Variants in SLC2A9 observed in about 807,000 individuals in gnomAD.
SLC2A9 encodes solute carrier family 2, facilitated glucose transporter member 9.
SLC2A9 carries 39 observed loss-of-function variants against 50.6 expected under a neutral mutation model. The observed-to-expected ratio is 0.77, with a 90% CI of 0.60 to 1.01. The LOEUF is 1.01. Among genes scored for constraint, SLC2A9 ranks in the 50% least tolerant of loss-of-function variants. The probability of loss-of-function intolerance (pLI) is 0.00; values close to 1 mark genes in which losing one functional copy is unlikely to be tolerated. For synonymous variants in SLC2A9, 324 were observed against 276.9 expected (o/e 1.17, Z -1.69); for missense variants, 686 against 677.6 (o/e 1.01, Z -0.14).
intron 3 of SLC2A9, among the ~76,000 whole-genome samples, chr4:9,807,441 CT>C (rs1218713032): frequency 6.6e-6 from 1 of 152,190 alleles, no homozygotes; most frequent in Non-Finnish European, 1.5e-5. Flanking sequence ...CCAGATGCCT[CT>C]TGTTTGAGCT....
chr4:9,951,707 TAGA>T (rs1750292830), intron 5 of SLC2A9, among the ~76,000 whole-genome samples: 1 of 152,240 alleles, frequency 6.6e-6, no homozygotes. Flanking sequence ...TACTTCTTTC[TAGA>T]AGAATAAGCT....
intron 2 of SLC2A9, among the ~76,000 whole-genome samples, chr4:10,012,762 T>C (rs1384479466): frequency 1.3e-5 from 2 of 152,000 alleles, no homozygotes; most frequent in Admixed American, 6.5e-5. Flanking sequence ...GCGGTGTGTT[T>C]GAGGGGCAGC....
At chr4:9,839,193 CA>C (rs1223732043) in intron 10 of SLC2A9, among the ~76,000 whole-genome samples, 2 of 152,008 alleles carry the variant, frequency 1.3e-5, no homozygotes, top group African/African-American at 4.8e-5. Flanking sequence ...GAACACTTTT[CA>C]AAAGAAGACA....
At chr4:9,961,832 C>T (rs1403767178) in intron 5 of SLC2A9, among the ~76,000 whole-genome samples, 1 of 152,128 alleles carries the variant, frequency 6.6e-6, no homozygotes, top group African/African-American at 2.4e-5. Context: ...GTCTAATATC[C>T]AGAGTCTAGA....
chr4:9,908,118 G>T (rs1741020913), intron 8 of SLC2A9, 117 bp downstream of exon 8: 4 of 783,506 alleles, frequency 5.1e-6, no homozygotes, highest in Non-Finnish European at 9.3e-6. Flanking sequence ...AAACCACATT[G>T]TCCTAATTGA....
intron 10 of SLC2A9, chr4:9,879,954 T>G (rs1032964645): frequency 1.0e-6 from 1 of 985,324 alleles, no homozygotes; most frequent in Non-Finnish European, 1.2e-6. Context: ...CCTTGTCAAG[T>G]CTTCTTACAT....
intron 8 of SLC2A9, among the ~76,000 whole-genome samples, chr4:9,902,964 T>C (rs1034455023): frequency 2.0e-5 from 3 of 152,212 alleles, no homozygotes; most frequent in African/African-American, 4.8e-5. Flanking sequence ...ATGATTCCCA[T>C]GACAATACCT....
intron 8 of SLC2A9, among the ~76,000 whole-genome samples, chr4:9,901,780 G>C (rs1357253782): frequency 6.6e-6 from 1 of 152,114 alleles, no homozygotes; most frequent in Non-Finnish European, 1.5e-5. Flanking sequence ...GTCTGTCCTA[G>C]AGGGAGACCC....
rs143370649 is a variant in SLC2A9, at chr4:9,951,524, A to T, written c.682-9479T>A. The stretch of plus-strand genomic sequence containing the variant: ...TGTAACAAAATTTCACACATACCCC[A>T]TAAATTTGTACAGATAATAAAGAAT... On this transcript the variant is annotated intron_variant, in intron 5 of 11. Transcript: ENST00000264784. Among the ~76,000 whole-genome samples the T allele has an allele frequency of 3.9e-3, 600 of 152,372 alleles. 5 individuals carry two copies. Among genetic ancestry groups the T allele is most frequent in the African/African-American group, 0.014 (576 of 41,588 alleles).
chr4:9,872,409 T>TA (rs1733589593), intron 10 of SLC2A9, among the ~76,000 whole-genome samples: 1 of 152,158 alleles, frequency 6.6e-6, no homozygotes, highest in African/African-American at 2.4e-5. Context: ...CATTTTTGAA[T>TA]AAAAATATGT....
At chr4:9,917,229 T>A (rs1171333459) in intron 7 of SLC2A9, among the ~76,000 whole-genome samples, 2 of 149,836 alleles carry the variant, frequency 1.3e-5, no homozygotes, top group East Asian at 3.9e-4. Context: ...GCCTATTGTG[T>A]AAGGCAGAGG....
At chr4:9,783,256 C>T in intron 3 of SLC2A9, 1 of 1,614,208 alleles carries the variant, frequency 6.2e-7, no homozygotes, top group South Asian at 1.1e-5. Flanking sequence ...TCGCAGCTGC[C>T]TACATCCACA....
intron 5 of SLC2A9, among the ~76,000 whole-genome samples, chr4:9,974,249 A>G (rs67820465): frequency 0.49 from 74,521 of 151,970 alleles, 20,158 homozygotes; most frequent in African/African-American, 0.72. Context: ...CACTCTCACC[A>G]CTCCTATTCA....
chr4:9,823,660 G>T (rs941155123), downstream of SLC2A9, among the ~76,000 whole-genome samples: 1 of 152,248 alleles, frequency 6.6e-6, no homozygotes, highest in Admixed American at 6.5e-5. Flanking sequence ...CTAAAAGAAA[G>T]AATACCCCCT....
intron 3 of SLC2A9, among the ~76,000 whole-genome samples, chr4:9,789,066 A>G (rs1013803804): frequency 6.6e-5 from 10 of 152,218 alleles, no homozygotes; most frequent in African/African-American, 2.2e-4. Flanking sequence ...CATATCAGTG[A>G]GCATCTCTAT....
chr4:9,899,930 C>T (rs1367680838), intron 8 of SLC2A9, among the ~76,000 whole-genome samples: 3 of 152,174 alleles, frequency 2.0e-5, no homozygotes, highest in African/African-American at 7.2e-5. Flanking sequence ...TGGCTTGAGG[C>T]CGTAGCTTCT....
chr4:10,016,793 A>T lies in SLC2A9; in HGVS notation c.249+2182T>A, dbSNP rs559311935. Among the ~76,000 whole-genome samples, 7 of 152,276 alleles carry T rather than the reference A, an allele frequency of 4.6e-5. No individual in the cohort carries two copies. The East Asian group carries it at 1.4e-3, about 29-fold the overall frequency. On this transcript the variant is annotated intron_variant, in intron 2 of 11. Transcript: ENST00000264784. ...CATGGTTAAAGAAAAATAAATTTTAATTAAAAAAATGTGAGTTGCAAACCC... is the reference window on the plus strand; with the variant it reads ...CATGGTTAAAGAAAAATAAATTTTATTTAAAAAAATGTGAGTTGCAAACCC...
upstream of SLC2A9, among the ~76,000 whole-genome samples, chr4:10,022,566 A>T (rs930179907): frequency 1.3e-5 from 2 of 152,236 alleles, no homozygotes; most frequent in Non-Finnish European, 2.9e-5. Flanking sequence ...TGGCTAGAAC[A>T]GTTTGCTCCC....
At chr4:9,845,575 G>A (rs1357215037) in intron 10 of SLC2A9, among the ~76,000 whole-genome samples, 1 of 150,254 alleles carries the variant, frequency 6.7e-6, no homozygotes, top group Non-Finnish European at 1.5e-5. Context: ...GACTACAGGC[G>A]CCCGCTACCA....
Sources: allele counts gnomAD v4.1 joint callset (sites outside exome capture counted in the v4.1 genomes callset), GRCh38; gene constraint gnomAD v4.1.1; transcripts MANE v1.5; gene names NCBI Gene and HGNC (gene_info 2026-07-23, HGNC 2026-07-21).